CA5A: variants seen among roughly 807,000 people sequenced by gnomAD.
The protein encoded by CA5A is carbonic anhydrase 5A, mitochondrial.
CA5A carries 28 observed loss-of-function variants against 37.1 expected under a neutral mutation model. That is an observed-to-expected ratio of 0.75 (90% CI 0.56 to 1.03). The LOEUF (loss-of-function observed/expected upper bound fraction) is 1.03. Among genes scored for constraint, CA5A ranks in the 50% least tolerant of loss-of-function variants. The pLI is 0.00. For synonymous variants in CA5A, 171 were observed against 158.4 expected (o/e 1.08, Z -0.60); for missense variants, 444 against 399.9 (o/e 1.11, Z -0.94).
At chr16:87,916,519 G>C (rs1418398753) in intron 2 of CA5A, among the ~76,000 whole-genome samples, 2 of 152,160 alleles carry the variant, frequency 1.3e-5, no homozygotes, top group African/African-American at 4.8e-5. Flanking sequence ...ACCTCCCTCA[G>C]TGGAGTCACC....
At chr16:87,898,809 A>G (rs1343614941) in intron 5 of CA5A, among the ~76,000 whole-genome samples, 2 of 144,142 alleles carry the variant, frequency 1.4e-5, no homozygotes, top group African/African-American at 2.6e-5. Context: ...ATCTCGGCTC[A>G]CTGCAACCTC....
rs145277168 is a variant in CA5A at position 87,936,370 on chromosome 16, C to T, written c.81G>A (p.Ser27=). The change falls in exon 1 of 7, where the codon TCG becomes TCA. Residue 27 remains serine, a synonymous_variant. Transcript: ENST00000649794. The part of the protein sequence containing the change: ...EQMWAPLWSR[S]MRPGRWCSQR... ...GAGAACACCATCGCCCTGGCCTCAT[C>T]GAACGACTCCAGAGAGGGGCCCACA... 24 of 1,613,928 alleles carry T rather than the reference C, an allele frequency of 1.5e-5. No homozygotes were observed. The African/African-American group carries it at 3.2e-4, about 22-fold the overall frequency.
intron 2 of CA5A, among the ~76,000 whole-genome samples, chr16:87,915,396 G>A (rs754322783): frequency 2.6e-5 from 4 of 152,144 alleles, no homozygotes; most frequent in African/African-American, 7.2e-5. Flanking sequence ...AAGGCCAGGC[G>A]TGGTGGAGTG....
chr16:87,893,654 G>T, intron 5 of CA5A: 1 of 611,074 alleles, frequency 1.6e-6, no homozygotes, highest in Non-Finnish European at 3.0e-6. Context: ...GTGCCGACAA[G>T]ATAGCCGAGG....
rs1352005308 is a variant in CA5A, at chr16:87,911,400, G to A, written c.341-6496C>T. Among the ~76,000 whole-genome samples the A allele has an allele frequency of 6.6e-6, 1 of 152,240 alleles. No homozygotes were observed. The highest frequency in any genetic ancestry group is 2.4e-5 in the African/African-American group (1 of 41,464). On this transcript the variant is annotated intron_variant, in intron 2 of 6. Transcript: ENST00000649794. The surrounding 1 kb of genome is among the most constrained non-coding windows in gnomAD (Gnocchi z 4.6). The stretch of plus-strand genomic sequence containing the variant: ...TGTCTCTGCTATTACAACAGATGCT[G>A]TTAATAGCCATCTATTTGTAGTTCG...
Position 87,891,813 on chromosome 16 carries a change from C to T in CA5A, c.760G>A (p.Val254Met), listed in dbSNP as rs749742341. 3 of 1,539,888 alleles carry T rather than the reference C, an allele frequency of 1.9e-6. No individual in the cohort carries two copies. Among genetic ancestry groups the T allele is most frequent in the South Asian group, 2.5e-5 (2 of 81,214 alleles). Residue 254 changes from valine (V) to methionine (M), a missense_variant, in exon 6 of 7, where the codon GTG becomes ATG. Transcript: ENST00000649794. ...TWIIQKEPVE[V>M]APSQLSAFRT... ...GCACGGCTCACCTGGCTTGGGGCCA[C>T]TTCAACGGGCTCCTTCTGGATGATC...
intron 1 of CA5A, among the ~76,000 whole-genome samples, chr16:87,934,161 C>T (rs965406403): frequency 7.9e-5 from 12 of 152,382 alleles, no homozygotes; most frequent in African/African-American, 2.9e-4. Context: ...GTGCTGTCCC[C>T]AGCCTTTGCA....
rs143098331 is a variant in CA5A, at chr16:87,904,826, C to G, written c.419G>C (p.Gly140Ala). ...GTGGCCGTCCACTGTGTGCTCTGAG[C>G]CCCCCTCGTTCACTGCTCCCCAGTG... ...HFHWGAVNEGGSEHTVDGHAY... is the reference protein window; with the variant it reads ...HFHWGAVNEGASEHTVDGHAY... The change falls in exon 3 of 7, where the codon GGC becomes GCC. Residue 140 changes from glycine to alanine, a missense_variant. By Grantham distance (60) the Gly-to-Ala change is moderately conservative. Coordinates refer to ENST00000649794, the MANE Select transcript of CA5A (RefSeq NM_001739.2). 2 of 1,612,364 alleles carry G rather than the reference C, an allele frequency of 1.2e-6. No homozygotes were observed. The highest frequency in any genetic ancestry group is 1.7e-6 in the Non-Finnish European group (2 of 1,178,562).
intron 2 of CA5A, among the ~76,000 whole-genome samples, chr16:87,919,808 C>T (rs549378430): frequency 4.6e-5 from 7 of 151,970 alleles, no homozygotes; most frequent in African/African-American, 1.7e-4. Context: ...GGGGCAGCGG[C>T]GGGTGGGAGA....
chr16:87,917,116 A>AAG (rs1248763887), intron 2 of CA5A, among the ~76,000 whole-genome samples: 9 of 80,056 alleles, frequency 1.1e-4, no homozygotes, highest in African/African-American at 8.3e-4. Flanking sequence ...AAAAAAAAAA[A>AAG]AAAAAGAAAA....
chr16:87,906,267 A>G (rs2143970059), intron 2 of CA5A, among the ~76,000 whole-genome samples: 1 of 136,578 alleles, frequency 7.3e-6, no homozygotes, highest in South Asian at 2.4e-4. Context: ...AAGCCAGGAA[A>G]GCACTGAGCG....
At chr16:87,886,143 GTTTTTTTTTTTT>G (rs779669034), downstream of CA5A, 1 of 113,962 alleles carries the variant, frequency 8.8e-6, no homozygotes, top group Non-Finnish European at 1.8e-5. Context: ...TCTGGATCAA[GTTTTTTTTTTTT>G]TTTTTTTTTT....
chr16:87,926,423 C>A (rs566055745), intron 2 of CA5A, among the ~76,000 whole-genome samples: 2 of 152,262 alleles, frequency 1.3e-5, no homozygotes, highest in East Asian at 3.9e-4. Context: ...GCAAAGTGTT[C>A]GCATTTCAAT....
At chr16:87,923,897 CAATTA>C (rs2056264767) in intron 2 of CA5A, 1 of 984,806 alleles carries the variant, frequency 1.0e-6, no homozygotes, top group African/African-American at 1.7e-5. Context: ...TTAACCCAAA[CAATTA>C]AAAGTTCAGG....
intron 3 of CA5A, among the ~76,000 whole-genome samples, chr16:87,902,775 G>A (rs546542682): frequency 6.6e-6 from 1 of 152,168 alleles, no homozygotes; most frequent in East Asian, 1.9e-4. Context: ...AGCTGGGCGT[G>A]GTGGCGGGAG....
chr16:87,918,946 A>T (rs1353263459), intron 2 of CA5A, among the ~76,000 whole-genome samples: 1 of 151,582 alleles, frequency 6.6e-6, no homozygotes, highest in Non-Finnish European at 1.5e-5. Flanking sequence ...GAGAGAAATA[A>T]AAAGGAAACT....
At chr16:87,916,030 C>G (rs529163208) in intron 2 of CA5A, among the ~76,000 whole-genome samples, 37 of 151,864 alleles carry the variant, frequency 2.4e-4, no homozygotes, top group South Asian at 1.9e-3. Context: ...AGCCAAGAGA[C>G]AGAATGAGAA....
chr16:87,909,527 G>A (rs1005555982), intron 2 of CA5A, among the ~76,000 whole-genome samples: 2 of 152,258 alleles, frequency 1.3e-5, no homozygotes, highest in African/African-American at 4.8e-5. Flanking sequence ...CTCGGGCTGG[G>A]CTGGAGCGGC....
At chr16:87,929,659 T>C (rs2056369568) in intron 1 of CA5A, among the ~76,000 whole-genome samples, 1 of 151,424 alleles carries the variant, frequency 6.6e-6, no homozygotes, top group African/African-American at 2.4e-5. Context: ...GATCACGAGG[T>C]CAGGAGATCG....
Sources: gnomAD v4.1 joint callset for allele counts (sites outside exome capture counted in the v4.1 genomes callset) on GRCh38, gnomAD v4.1.1 for gene constraint, Gnocchi (gnomAD v3.1) non-coding constraint, MANE v1.5 for transcripts, NCBI Gene and HGNC (gene_info 2026-07-23, HGNC 2026-07-21) for gene names.